Variants in SPATA17 observed in about 807,000 individuals in gnomAD.
SPATA17 encodes spermatogenesis-associated protein 17.
Under a neutral mutation model 62.2 loss-of-function variants are expected in SPATA17, and 53 were observed. The observed-to-expected ratio is 0.85, with a 90% CI of 0.68 to 1.07. The LOEUF is 1.07. Among genes scored for constraint, SPATA17 ranks in the 50% least tolerant of loss-of-function variants. SPATA17 has a pLI of 0.00. For missense variants in SPATA17, 466 were observed against 425.5 expected, an observed-to-expected ratio of 1.10 and a Z score of -0.84; for synonymous variants, 146 against 146.8, an observed-to-expected ratio of 0.99 and a Z score of 0.04.
Position 217,712,128 on chromosome 1 carries a change from C to CTTTTTTTTTTTTTTTTTTTTTTT in SPATA17, c.395+28771_395+28772insTTTTTTTTTTTTTTTTTTTTTTT, listed in dbSNP as rs551988828. 1.2e-4 allele frequency among the ~76,000 whole-genome samples: 16 copies of CTTTTTTTTTTTTTTTTTTTTTTT among 134,130 alleles called. 3 individuals are homozygous for CTTTTTTTTTTTTTTTTTTTTTTT. The highest frequency in any genetic ancestry group is 4.1e-3 in the Middle Eastern group (1 of 242). The allele number at this position is 134,130 out of a possible 152,430, so 88.0% of individuals were successfully genotyped here. On this transcript the variant is annotated intron_variant, in intron 5 of 10. Coordinates refer to ENST00000366933, the MANE Select transcript of SPATA17 (RefSeq NM_138796.4). The stretch of plus-strand genomic sequence containing the variant: ...GGACCCTTAAGTTCTACAATATGTT[C>CTTTTTTTTTTTTTTTTTTTTTTT]TTTTGTTTTTTTTTTTTTACGGAGT...
chr1:217,805,777 A>G (rs1365942348), intron 9 of SPATA17, among the ~76,000 whole-genome samples: 4 of 152,252 alleles, frequency 2.6e-5, no homozygotes, highest in African/African-American at 4.8e-5. Flanking sequence ...GCTATTAACA[A>G]AAAGACAAAA....
chr1:217,804,241 A>T (rs1230728868), intron 9 of SPATA17, among the ~76,000 whole-genome samples: 1 of 152,212 alleles, frequency 6.6e-6, no homozygotes, highest in Non-Finnish European at 1.5e-5. Context: ...AGAACCCAGA[A>T]ATAAATGCAC....
At chr1:217,683,604 A>G (rs1332498682) in intron 5 of SPATA17, among the ~76,000 whole-genome samples, 1 of 151,926 alleles carries the variant, frequency 6.6e-6, no homozygotes, top group African/African-American at 2.4e-5. Context: ...ACAGCCGGCT[A>G]ATTTTTTTCT....
intron 9 of SPATA17, among the ~76,000 whole-genome samples, chr1:217,811,029 A>C (rs74654231): frequency 4.3e-4 from 66 of 152,002 alleles, no homozygotes; most frequent in African/African-American, 9.9e-4. Context: ...GGTATTCTTT[A>C]TTTATTTATT....
chr1:217,816,592 A>C (rs1674722390), intron 9 of SPATA17, among the ~76,000 whole-genome samples: 1 of 151,960 alleles, frequency 6.6e-6, no homozygotes, highest in Admixed American at 6.6e-5. Flanking sequence ...CTGAATATAA[A>C]GTTTGCTATT....
chr1:217,750,768 C>G (rs187290015), intron 6 of SPATA17, among the ~76,000 whole-genome samples: 1 of 152,172 alleles, frequency 6.6e-6, no homozygotes, highest in Non-Finnish European at 1.5e-5. Flanking sequence ...AGATGCCACT[C>G]GTCGGAATGT....
intron 8 of SPATA17, among the ~76,000 whole-genome samples, chr1:217,785,984 C>T (rs1045746565): frequency 6.6e-6 from 1 of 152,024 alleles, no homozygotes; most frequent in African/African-American, 2.4e-5. Flanking sequence ...ATATGTCTAT[C>T]CTTATGAAGC....
chr1:217,697,300 G>A (rs887753004), intron 5 of SPATA17, among the ~76,000 whole-genome samples: 1 of 152,052 alleles, frequency 6.6e-6, no homozygotes, highest in African/African-American at 2.4e-5. Context: ...TGCTCATTTT[G>A]TTTTCATTGT....
chr1:217,752,985 TA>T (rs1392881753), intron 6 of SPATA17, among the ~76,000 whole-genome samples: 1 of 152,132 alleles, frequency 6.6e-6, no homozygotes, highest in African/African-American at 2.4e-5. Flanking sequence ...AAACCTAGAT[TA>T]AACATGTACC....
At chr1:217,690,451 T>TTTTTA (rs1157034306) in intron 5 of SPATA17, among the ~76,000 whole-genome samples, 1 of 142,348 alleles carries the variant, frequency 7.0e-6, no homozygotes, top group Non-Finnish European at 1.5e-5. Context: ...TTTATTTTTA[T>TTTTTA]TTTTATTTTA....
chr1:217,801,511 T>C (rs1333086332), intron 8 of SPATA17, among the ~76,000 whole-genome samples: 2 of 152,228 alleles, frequency 1.3e-5, no homozygotes, highest in Admixed American at 1.3e-4. Context: ...AACATTTTAG[T>C]ATCTCTATTT....
intron 9 of SPATA17, among the ~76,000 whole-genome samples, chr1:217,851,715 A>C (rs1176583783): frequency 6.6e-6 from 1 of 152,210 alleles, no homozygotes; most frequent in Non-Finnish European, 1.5e-5. Context: ...TCTCACAGTA[A>C]AAGAGTAAAC....
At chr1:217,749,712 T>C (rs764275420) in intron 6 of SPATA17, among the ~76,000 whole-genome samples, 8 of 151,892 alleles carry the variant, frequency 5.3e-5, no homozygotes, top group Non-Finnish European at 1.0e-4. Context: ...TTTACCACCA[T>C]CAGATAAATC....
chr1:217,769,703 A>T (rs1470587954), intron 6 of SPATA17, among the ~76,000 whole-genome samples: 1 of 152,216 alleles, frequency 6.6e-6, no homozygotes, highest in African/African-American at 2.4e-5. Flanking sequence ...ATAGTTTTTT[A>T]AAATATTTCT....
rs959456847 is a variant in SPATA17, at chr1:217,870,213, T to C, written c.*3194T>C. 6.6e-5 allele frequency: 10 copies of C among 152,132 alleles called. No individual in the cohort carries two copies. The highest frequency in any genetic ancestry group is 2.4e-4 in the African/African-American group (10 of 41,440). The allele number at this position is 152,132 out of a possible 1,614,324, so 9.4% of individuals were successfully genotyped here. ...ATTGATTTTGTAGACCCTGACCTTCTCTGTTCTTCCAGAGAAGGTGGTACT... is the reference window on the plus strand; with the variant it reads ...ATTGATTTTGTAGACCCTGACCTTCCCTGTTCTTCCAGAGAAGGTGGTACT... On this transcript the variant is annotated 3_prime_UTR_variant, in exon 11 of 11. Coordinates refer to ENST00000366933, the MANE Select transcript of SPATA17 (RefSeq NM_138796.4).
chr1:217,674,351 C>T (rs1670897861), intron 4 of SPATA17, among the ~76,000 whole-genome samples: 1 of 152,184 alleles, frequency 6.6e-6, no homozygotes, highest in Non-Finnish European at 1.5e-5. Context: ...GATCAATGCT[C>T]TTTTGATTTG....
chr1:217,716,851 G>A (rs940729714), intron 5 of SPATA17, among the ~76,000 whole-genome samples: 6 of 152,188 alleles, frequency 3.9e-5, no homozygotes, highest in East Asian at 3.8e-4. Flanking sequence ...AGCACCTATC[G>A]TGTGCATGGT....
chr1:217,780,573 A>G (rs377188713), intron 7 of SPATA17, among the ~76,000 whole-genome samples: 123 of 152,348 alleles, frequency 8.1e-4, no homozygotes, highest in Non-Finnish European at 1.5e-3. Context: ...AACAAAGGTT[A>G]GAAGGCATAA....
intron 6 of SPATA17, among the ~76,000 whole-genome samples, chr1:217,765,310 C>T (rs1673272143): frequency 1.3e-5 from 2 of 151,256 alleles, no homozygotes; most frequent in African/African-American, 4.9e-5. Flanking sequence ...CTTCTGCTTG[C>T]CTTGGAATAA....
Sources: allele counts gnomAD v4.1 joint callset (sites outside exome capture counted in the v4.1 genomes callset), GRCh38; gene constraint gnomAD v4.1.1; transcripts MANE v1.5; gene names NCBI Gene and HGNC (gene_info 2026-07-23, HGNC 2026-07-21).